SASH1: variants seen among roughly 807,000 people sequenced by gnomAD.
SASH1 encodes the protein SAM and SH3 domain containing 1.
A neutral mutation model predicts 125.2 loss-of-function variants in SASH1; 44 were observed. That is an observed-to-expected ratio of 0.35 (90% CI 0.28 to 0.45). The LOEUF (loss-of-function observed/expected upper bound fraction) is 0.45, where lower values mean the gene tolerates loss of function less well. Among genes scored for constraint, SASH1 ranks in the 20% least tolerant of loss-of-function variants. SASH1 has a pLI of 1.00. For synonymous variants in SASH1, 639 were observed against 649.1 expected (o/e 0.98, Z 0.24); for missense variants, 1,426 against 1,614.5 (o/e 0.88, Z 2.00).
At chr6:148,294,251 A>G (rs370560705) in intron 1 of SASH1, among the ~76,000 whole-genome samples, 4 of 152,372 alleles carry the variant, frequency 2.6e-5, no homozygotes, top group African/African-American at 9.6e-5. Flanking sequence ...AAGAATTCAA[A>G]TGAGGCTACA....
chr6:148,288,929 A>G (rs903709516), intron 1 of SASH1, among the ~76,000 whole-genome samples: 1 of 152,224 alleles, frequency 6.6e-6, no homozygotes, highest in African/African-American at 2.4e-5. Flanking sequence ...GAGAGGCAGT[A>G]AAGTGGAGAC....
intron 1 of SASH1, among the ~76,000 whole-genome samples, chr6:148,307,369 G>A (rs1423673342): frequency 6.6e-6 from 1 of 151,888 alleles, no homozygotes; most frequent in Non-Finnish European, 1.5e-5. Flanking sequence ...GCCTGCCTCG[G>A]CCTCCCAAAG....
the SASH1 span, among the ~76,000 whole-genome samples, chr6:148,233,102 T>C: frequency 6.6e-6 from 1 of 151,386 alleles, no homozygotes; most frequent in African/African-American, 2.4e-5. Context: ...TAGTCCCAGA[T>C]ACTCGGGAGG....
chr6:148,224,334 C>T, the SASH1 span, among the ~76,000 whole-genome samples: 1 of 151,780 alleles, frequency 6.6e-6, no homozygotes, highest in South Asian at 2.1e-4. Context: ...GCCTTGATGC[C>T]TTGATGAATC....
Position 148,487,604 on chromosome 6 carries a change from C to A in SASH1, c.628-10C>A, listed in dbSNP as rs1276531208. ...CTTTCCATTTCAGTATCCATTTCTT[C>A]TTGTTACAGCTCAAGGAATACGAGG... On this transcript the variant is annotated splice_polypyrimidine_tract_variant and intron_variant, in intron 7 of 19. Coordinates refer to ENST00000367467, the MANE Select transcript of SASH1 (RefSeq NM_015278.5). 6.2e-7 allele frequency: 1 copy of A among 1,606,328 alleles called. No homozygotes were observed. Among genetic ancestry groups the A allele is most frequent in the Non-Finnish European group, 8.5e-7 (1 of 1,174,382 alleles).
At chr6:148,444,741 G>T (rs1361164080) in intron 4 of SASH1, among the ~76,000 whole-genome samples, 1 of 152,170 alleles carries the variant, frequency 6.6e-6, no homozygotes, top group African/African-American at 2.4e-5. Context: ...CCAAGAGAGG[G>T]TTCTTGGACC....
In SASH1 at chr6:148,351,195, T is replaced by G. The variant is rs902179590; in HGVS notation, c.156+7972T>G. Among the ~76,000 whole-genome samples, 14 of 87,918 alleles carry G rather than the reference T, an allele frequency of 1.6e-4. No homozygotes were observed. The East Asian group carries it at 3.6e-3, about 23-fold the overall frequency. 57.7% of individuals were successfully genotyped at this position (87,918 alleles called of 152,430 possible). On this transcript the variant is annotated intron_variant, in intron 1 of 19. Coordinates refer to ENST00000367467, the MANE Select transcript of SASH1 (RefSeq NM_015278.5). Reference sequence around the variant, plus strand: ...TATTTCCTTTCTGCGATAGTAGTTTTTTTTTTTTTTTTTTTTTTTCTGAAA... The same window carrying G: ...TATTTCCTTTCTGCGATAGTAGTTTGTTTTTTTTTTTTTTTTTTTCTGAAA...
chr6:148,324,189 G>GGAA (rs1562324974), intron 1 of SASH1, among the ~76,000 whole-genome samples: 2 of 151,228 alleles, frequency 1.3e-5, no homozygotes, highest in South Asian at 2.1e-4. Context: ...GCAGCAGGCT[G>GGAA]GAAGGATCAG....
At chr6:148,531,065 A>ATT (rs199698614) in intron 12 of SASH1, among the ~76,000 whole-genome samples, 1 of 150,562 alleles carries the variant, frequency 6.6e-6, no homozygotes, top group Non-Finnish European at 1.5e-5. Context: ...AATCTAGCCA[A>ATT]TTTTTTTTTT....
chr6:148,302,082 G>A (rs981543491), intron 1 of SASH1, among the ~76,000 whole-genome samples: 13 of 151,186 alleles, frequency 8.6e-5, no homozygotes, highest in Non-Finnish European at 1.3e-4. Context: ...TTGGGAGGCC[G>A]AGGCAGGCAG....
Position 148,519,595 on chromosome 6 carries a change from C to T in SASH1, c.911C>T (p.Ser304Phe). 1 of 1,614,146 alleles carries T rather than the reference C, an allele frequency of 6.2e-7. No individual in the cohort carries two copies. The highest frequency in any genetic ancestry group is 8.5e-7 in the Non-Finnish European group (1 of 1,180,032). The change falls in exon 10 of 20, where the codon TCC becomes TTC. Residue 304 changes from serine to phenylalanine, a missense_variant. By Grantham distance (155) the Ser-to-Phe change is radical. This residue lies in a region of SASH1 where 567 missense variants were observed against 575.6 expected (regional missense o/e 0.99). Transcript: ENST00000367467. The surrounding 1 kb of genome is among the most constrained non-coding windows in gnomAD (Gnocchi z 4.8). Reference protein sequence around the residue: ...FENSPVLDERSALYSGVHKKP... With the variant: ...FENSPVLDERFALYSGVHKKP... The stretch of plus-strand genomic sequence containing the variant: ...AATTCGCCGGTCCTGGATGAACGGT[C>T]CGCCCTCTACTCTGGCGTGCACAAG...
intron 1 of SASH1, among the ~76,000 whole-genome samples, chr6:148,358,727 G>GGTTTTTT (rs1239319632): frequency 5.1e-5 from 5 of 98,792 alleles, no homozygotes; most frequent in Non-Finnish European, 6.6e-5. Context: ...CTAATGCCAT[G>GGTTTTTT]TTTTTGTTTT....
intron 1 of SASH1, among the ~76,000 whole-genome samples, chr6:148,325,219 C>T (rs1582966522): frequency 1.3e-5 from 2 of 151,906 alleles, no homozygotes; most frequent in East Asian, 3.9e-4. Flanking sequence ...TCACATGATA[C>T]CAGGAATGAG....
At chr6:148,359,030 C>T (rs796324805) in intron 1 of SASH1, among the ~76,000 whole-genome samples, 10 of 151,790 alleles carry the variant, frequency 6.6e-5, no homozygotes, top group African/African-American at 1.7e-4. Context: ...CCACTACACC[C>T]GGCCCTAATG....
At chr6:148,467,567 T>G (rs1380998032) in intron 4 of SASH1, among the ~76,000 whole-genome samples, 1 of 152,150 alleles carries the variant, frequency 6.6e-6, no homozygotes, top group Non-Finnish European at 1.5e-5. Context: ...AGACATGTAT[T>G]GATTAATTTG....
chr6:148,323,886 G>C (rs1443736273), intron 1 of SASH1, among the ~76,000 whole-genome samples: 1 of 152,048 alleles, frequency 6.6e-6, no homozygotes, highest in Admixed American at 6.6e-5. Context: ...CAGCACTTTG[G>C]GAGGCCGAGG....
At chr6:148,207,867 T>C in the SASH1 span, among the ~76,000 whole-genome samples, 2 of 152,232 alleles carry the variant, frequency 1.3e-5, no homozygotes, top group Non-Finnish European at 2.9e-5. Context: ...TTGAGCTGGC[T>C]TGAGTCCCCA....
At chr6:148,466,480 C>T (rs6570850) in intron 4 of SASH1, among the ~76,000 whole-genome samples, 58,845 of 152,078 alleles carry the variant, frequency 0.39, 11,966 homozygotes, top group South Asian at 0.52. Context: ...CCTCCCTCCC[C>T]TCTCTCTGGT....
intron 7 of SASH1, among the ~76,000 whole-genome samples, chr6:148,474,882 G>A (rs184807494): frequency 9.9e-5 from 15 of 152,140 alleles, no homozygotes; most frequent in Admixed American, 6.5e-5. Context: ...TATAAATATC[G>A]GTTCTATAAG....
Sources: allele counts gnomAD v4.1 joint callset (sites outside exome capture counted in the v4.1 genomes callset), GRCh38; gene constraint gnomAD v4.1.1; regional missense constraint gnomAD v4.1.1; non-coding constraint Gnocchi (gnomAD v3.1); transcripts MANE v1.5; gene names NCBI Gene and HGNC (gene_info 2026-07-23, HGNC 2026-07-21).